RBFOX1: variants seen among roughly 807,000 people sequenced by gnomAD.
RBFOX1 encodes the protein RNA binding fox-1 homolog 1.
Under a neutral mutation model 57.7 loss-of-function variants are expected in RBFOX1, and 8 were observed. That is an observed-to-expected ratio of 0.14 (90% confidence interval 0.08 to 0.25). The LOEUF is 0.25. RBFOX1 is among the 10% of genes least tolerant of loss of function. The pLI is 1.00. For missense variants in RBFOX1, 611 were observed against 548.5 expected (o/e 1.11, Z -1.14); for synonymous variants, 326 against 222.4 (o/e 1.47, Z -4.15).
intron 3 of RBFOX1, among the ~76,000 whole-genome samples, chr16:5,751,191 C>G (rs146611332): frequency 2.0e-5 from 3 of 152,116 alleles, no homozygotes; most frequent in Admixed American, 6.6e-5. Context: ...GAGCTCTCCC[C>G]GAAGGCTGTA....
intron 12 of RBFOX1, among the ~76,000 whole-genome samples, chr16:7,655,666 A>T (rs890574624): frequency 1.3e-5 from 2 of 152,006 alleles, no homozygotes; most frequent in African/African-American, 4.8e-5. Context: ...GTAATTACTA[A>T]AGCAAGATTT....
intron 4 of RBFOX1, among the ~76,000 whole-genome samples, chr16:7,066,857 A>G (rs1344991377): frequency 1.3e-5 from 2 of 152,176 alleles, no homozygotes; most frequent in African/African-American, 4.8e-5. Context: ...GAGTGGCAGA[A>G]TCCTTCTATT....
At chr16:6,804,710 G>T (rs1409495875) in intron 3 of RBFOX1, among the ~76,000 whole-genome samples, 1 of 152,074 alleles carries the variant, frequency 6.6e-6, no homozygotes, top group East Asian at 1.9e-4. Flanking sequence ...ACATGACTGG[G>T]GCAGAACAGG....
At chr16:7,444,798 T>C (rs1388776766) in intron 4 of RBFOX1, among the ~76,000 whole-genome samples, 2 of 152,104 alleles carry the variant, frequency 1.3e-5, no homozygotes. Context: ...TTCCAAAGTG[T>C]TGGGGTTACA....
intron 1 of RBFOX1, among the ~76,000 whole-genome samples, chr16:6,211,017 C>G (rs1467327225): frequency 6.6e-6 from 1 of 152,008 alleles, no homozygotes; most frequent in Admixed American, 6.6e-5. Context: ...GGAAGAAACC[C>G]TTTGGTTTTG....
intron 3 of RBFOX1, among the ~76,000 whole-genome samples, chr16:6,727,216 C>G: frequency 6.6e-6 from 1 of 152,166 alleles, no homozygotes; most frequent in Non-Finnish European, 1.5e-5. Context: ...CTGACAATCC[C>G]TCAACCTGCA....
rs1225865142 is a variant in RBFOX1, at chr16:6,487,725, ATATATATATATATATATATATATAT to A, written c.-63-166877_-63-166853del. 7.3e-3 allele frequency among the ~76,000 whole-genome samples: 212 copies of A among 28,878 alleles called. 7 individuals carry two copies. The highest frequency in any genetic ancestry group is 0.039 in the South Asian group (12 of 306). The allele number at this position is 28,878 out of a possible 152,430, so 18.9% of individuals were successfully genotyped here. On this transcript the variant is annotated intron_variant, in intron 2 of 15. Transcript: ENST00000550418. Reference sequence around the variant, plus strand: ...AATATATATATATATATATATATATATATATATATATATATATATATATATATATAAAATATTATGCAGTGATGGG... The same window carrying A: ...AATATATATATATATATATATATATAATATAAAATATTATGCAGTGATGGG...
In RBFOX1 at chr16:6,770,122, A is replaced by C. The variant is rs986501037; in HGVS notation, c.-16+115472A>C. On this transcript the variant is annotated intron_variant, in intron 3 of 15. Coordinates refer to ENST00000550418, the MANE Select transcript of RBFOX1 (RefSeq NM_018723.4). ...AAAGAAAAACAAGGAACTTGTATTA[A>C]GCAGAAAGGCAGCTTAGTATACCCT... Among the ~76,000 whole-genome samples, 3 of 152,354 alleles carry C rather than the reference A, an allele frequency of 2.0e-5. No individual in the cohort carries two copies. In the East Asian group the frequency reaches 5.8e-4, roughly 29 times the overall value.
intron 3 of RBFOX1, among the ~76,000 whole-genome samples, chr16:5,624,866 G>C (rs2048303408): frequency 6.6e-6 from 1 of 152,168 alleles, no homozygotes; most frequent in Non-Finnish European, 1.5e-5. Flanking sequence ...ATGGCTCTGG[G>C]AGATGAGAGG....
chr16:6,392,923 C>T (rs1027946525), intron 2 of RBFOX1, among the ~76,000 whole-genome samples: 4 of 152,238 alleles, frequency 2.6e-5, no homozygotes, highest in Non-Finnish European at 4.4e-5. Flanking sequence ...GACCCACCCT[C>T]TTCTGCCATG....
intron 1 of RBFOX1, among the ~76,000 whole-genome samples, chr16:6,258,262 A>G (rs1179463964): frequency 6.6e-6 from 1 of 152,244 alleles, no homozygotes; most frequent in East Asian, 1.9e-4. Flanking sequence ...TACATATTGC[A>G]TAATCAACCA....
chr16:6,852,298 G>A (rs956853625), intron 3 of RBFOX1, among the ~76,000 whole-genome samples: 12 of 152,048 alleles, frequency 7.9e-5, no homozygotes, highest in Non-Finnish European at 1.2e-4. Context: ...GTGCCTCTGC[G>A]TCTTTCTTTT....
At chr16:6,051,395 T>C (rs1049871820) in intron 1 of RBFOX1, among the ~76,000 whole-genome samples, 1 of 152,142 alleles carries the variant, frequency 6.6e-6, no homozygotes, top group Admixed American at 6.5e-5. Context: ...CAGCATGATA[T>C]TGGCTTACTG....
chr16:6,877,301 T>C (rs2062027159), intron 3 of RBFOX1, among the ~76,000 whole-genome samples: 1 of 152,238 alleles, frequency 6.6e-6, no homozygotes, highest in South Asian at 2.1e-4. Context: ...TGCTTCTATC[T>C]AGTTTTATGT....
At chr16:6,996,464 T>C (rs2153623056) in intron 3 of RBFOX1, among the ~76,000 whole-genome samples, 1 of 152,306 alleles carries the variant, frequency 6.6e-6, no homozygotes, top group Non-Finnish European at 1.5e-5. Context: ...TACATGTGTA[T>C]ATATATCCAT....
At chr16:5,694,033 GAGTA>G (rs2050773630) in intron 3 of RBFOX1, among the ~76,000 whole-genome samples, 1 of 152,210 alleles carries the variant, frequency 6.6e-6, no homozygotes, top group African/African-American at 2.4e-5. Context: ...GTAAAGTACA[GAGTA>G]AGTGAGATAA....
In RBFOX1 at chr16:7,487,473, G is replaced by A. The variant is rs1043064903; in HGVS notation, c.28-30674G>A. The stretch of plus-strand genomic sequence containing the variant: ...GCCCAGCACAGTGAATTTCACCTGC[G>A]TGAAATAGGGGAGCACTAAATATTA... On this transcript the variant is annotated intron_variant, in intron 4 of 15. Transcript: ENST00000550418. 5.9e-5 allele frequency among the ~76,000 whole-genome samples: 9 copies of A among 152,140 alleles called. 1 individual carries two copies. The highest frequency in any genetic ancestry group is 4.1e-4 in the South Asian group (2 of 4,826).
chr16:6,832,021 T>A (rs746288443), intron 3 of RBFOX1, among the ~76,000 whole-genome samples: 8 of 152,238 alleles, frequency 5.3e-5, no homozygotes, highest in Non-Finnish European at 1.0e-4. Context: ...TAAAGTACTT[T>A]GGAATTCATT....
intron 4 of RBFOX1, among the ~76,000 whole-genome samples, chr16:7,192,456 A>G (rs1479062895): frequency 6.6e-6 from 1 of 152,216 alleles, no homozygotes; most frequent in East Asian, 1.9e-4. Context: ...TGGAGATTAT[A>G]ATACGTGGAA....
Sources: gnomAD v4.1 joint callset for allele counts (sites outside exome capture counted in the v4.1 genomes callset) on GRCh38, gnomAD v4.1.1 for gene constraint, MANE v1.5 for transcripts, NCBI Gene and HGNC (gene_info 2026-07-23, HGNC 2026-07-21) for gene names.